Variants in NBEA observed in about 807,000 individuals in gnomAD.
NBEA encodes lysosomal-trafficking regulator 2.
In NBEA, 44 loss-of-function variants were observed where a neutral mutation model predicts 343.4. The observed-to-expected ratio is 0.13, with a 90% confidence interval of 0.10 to 0.16. The LOEUF is 0.16. Ranked by LOEUF, NBEA falls within the 10% of genes least tolerant of loss-of-function variation. The pLI, the probability that NBEA is intolerant of heterozygous loss-of-function variation, is 1.00. For missense variants in NBEA, 2,555 were observed against 3,631.3 expected (o/e 0.70, Z 7.62); for synonymous variants, 1,175 against 1,238.7 (o/e 0.95, Z 1.08).
chr13:35,579,317 T>C (rs1040668058), intron 45 of NBEA, among the ~76,000 whole-genome samples: 11 of 152,164 alleles, frequency 7.2e-5, no homozygotes, highest in African/African-American at 2.7e-4. Context: ...GCTCAGACTT[T>C]TATGTTCTCT....
At position 35,668,509 on chromosome 13, in the gene NBEA, C is replaced by T. The variant is rs984437195; in HGVS notation, c.8803C>T (p.His2935Tyr). The change falls in exon 58 of 59, where the codon CAT (histidine) becomes TAT (tyrosine). Residue 2935 changes from histidine (H) to tyrosine (Y), a missense_variant. Physicochemically the swap from His to Tyr is moderately conservative, Grantham distance 83. Around this residue, in one of 21 missense-constraint regions of NBEA, gnomAD observed 186 missense variants for 328.9 expected, o/e 0.57. Coordinates refer to ENST00000379939, the MANE Select transcript of NBEA (RefSeq NM_001385012.1). ...DAGIRAMDLS[H>Y]DQRTLITGMA... Reference sequence around the variant, plus strand: ...TGGCATTAGAGCAATGGACTTGTCCCATGACCAGAGGTGAGCTGCGTCAAG... The same window carrying T: ...TGGCATTAGAGCAATGGACTTGTCCTATGACCAGAGGTGAGCTGCGTCAAG... 6.2e-7 allele frequency: 1 copy of T among 1,603,636 alleles called. No individual in the cohort carries two copies.
At chr13:35,067,280 C>T (rs545951972) in intron 8 of NBEA, among the ~76,000 whole-genome samples, 61 of 151,994 alleles carry the variant, frequency 4.0e-4, no homozygotes, top group Non-Finnish European at 6.6e-4. Flanking sequence ...CACTTGGAGT[C>T]GTTTCCTTAG....
chr13:35,599,363 TC>T (rs1265422721), intron 47 of NBEA, among the ~76,000 whole-genome samples: 1 of 152,222 alleles, frequency 6.6e-6, no homozygotes, highest in Non-Finnish European at 1.5e-5. Flanking sequence ...AATTATGCAA[TC>T]AGAGTTAAGG....
chr13:35,069,316 T>C (rs762536904), intron 8 of NBEA, among the ~76,000 whole-genome samples: 20 of 152,180 alleles, frequency 1.3e-4, no homozygotes, highest in Non-Finnish European at 2.5e-4. Context: ...TTTCTTGTTA[T>C]AGATGGCATA....
intron 49 of NBEA, among the ~76,000 whole-genome samples, chr13:35,643,523 C>T (rs761298115): frequency 6.6e-6 from 1 of 152,152 alleles, no homozygotes; most frequent in Non-Finnish European, 1.5e-5. Context: ...TACAAATGCC[C>T]TGCTTCTGTA....
At chr13:35,010,724 T>TAC in intron 1 of NBEA, among the ~76,000 whole-genome samples, 1 of 14,084 alleles carries the variant, frequency 7.1e-5, no homozygotes, top group African/African-American at 3.2e-4. Context: ...ACTGGGTCTC[T>TAC]ACAAAAAAAA....
chr13:35,207,531 C>T (rs1413418547), intron 31 of NBEA, among the ~76,000 whole-genome samples: 1 of 152,000 alleles, frequency 6.6e-6, no homozygotes, highest in Non-Finnish European at 1.5e-5. Flanking sequence ...GAAGAATGAA[C>T]CTTTACTGCA....
intron 48 of NBEA, among the ~76,000 whole-genome samples, chr13:35,627,870 T>C (rs962766386): frequency 6.6e-5 from 10 of 152,148 alleles, no homozygotes; most frequent in Admixed American, 3.9e-4. Flanking sequence ...CATTTAGGTC[T>C]CTGTACTTTC....
At chr13:34,978,810 G>A (rs2060263793) in intron 1 of NBEA, among the ~76,000 whole-genome samples, 1 of 152,202 alleles carries the variant, frequency 6.6e-6, no homozygotes, top group Admixed American at 6.5e-5. Context: ...TACTTTTACT[G>A]ATGAGTTGTG....
At chr13:34,974,105 G>A (rs891547804) in intron 1 of NBEA, among the ~76,000 whole-genome samples, 4 of 152,210 alleles carry the variant, frequency 2.6e-5, no homozygotes, top group African/African-American at 9.7e-5. Context: ...GACTTCACTT[G>A]GTGGGGGAGG....
intron 49 of NBEA, among the ~76,000 whole-genome samples, chr13:35,636,872 CT>C (rs1342227981): frequency 6.6e-6 from 1 of 152,226 alleles, no homozygotes; most frequent in Non-Finnish European, 1.5e-5. Flanking sequence ...AGGCGAATCC[CT>C]AAGTCATCTA....
chr13:35,186,796 G>A (rs553058203), intron 30 of NBEA: 1 of 152,216 alleles, frequency 6.6e-6, no homozygotes, highest in South Asian at 2.1e-4. Context: ...GTGTAATGAA[G>A]AAAAGTTACA....
At chr13:35,239,155 A>G (rs1264736824) in intron 34 of NBEA, among the ~76,000 whole-genome samples, 1 of 152,168 alleles carries the variant, frequency 6.6e-6, no homozygotes, top group Non-Finnish European at 1.5e-5. Context: ...TAAAAAATGG[A>G]TGGAAGAATA....
At chr13:35,045,796 T>C (rs60969830) in intron 4 of NBEA, among the ~76,000 whole-genome samples, 15,849 of 152,012 alleles carry the variant, frequency 0.1, 977 homozygotes, top group African/African-American at 0.16. Flanking sequence ...GGCGTGATCT[T>C]GGCTCACTGC....
At chr13:35,549,135 G>A (rs1306347457) in intron 41 of NBEA, among the ~76,000 whole-genome samples, 1 of 152,110 alleles carries the variant, frequency 6.6e-6, no homozygotes, top group African/African-American at 2.4e-5. Context: ...GATTTAAATA[G>A]ACGTCTGACT....
intron 1 of NBEA, among the ~76,000 whole-genome samples, chr13:34,998,442 C>T (rs903262839): frequency 6.6e-6 from 1 of 152,286 alleles, no homozygotes; most frequent in East Asian, 1.9e-4. Flanking sequence ...ATTTCCTCAT[C>T]CTAATAAGCC....
chr13:35,659,894 A>G (rs1188972890), intron 55 of NBEA, among the ~76,000 whole-genome samples: 1 of 152,230 alleles, frequency 6.6e-6, no homozygotes, highest in Non-Finnish European at 1.5e-5. Flanking sequence ...CTAATTTGGA[A>G]GTGATAAAAA....
intron 25 of NBEA, among the ~76,000 whole-genome samples, chr13:35,170,289 T>C (rs931972042): frequency 7.2e-5 from 11 of 151,812 alleles, no homozygotes; most frequent in Non-Finnish European, 1.3e-4. Flanking sequence ...TTACATATGC[T>C]AACCTTGTAG....
At chr13:35,562,057 G>T (rs542101412) in intron 44 of NBEA, among the ~76,000 whole-genome samples, 1 of 152,100 alleles carries the variant, frequency 6.6e-6, no homozygotes, top group South Asian at 2.1e-4. Flanking sequence ...TCTGTGTGTG[G>T]TGTGTCATTG....
Sources: gnomAD v4.1 joint callset for allele counts (sites outside exome capture counted in the v4.1 genomes callset) on GRCh38, gnomAD v4.1.1 for gene constraint, gnomAD v4.1.1 regional missense constraint, MANE v1.5 for transcripts, NCBI Gene and HGNC (gene_info 2026-07-23, HGNC 2026-07-21) for gene names.